Variants in ACBD6 observed in about 807,000 individuals in gnomAD.
ACBD6 encodes the protein acyl-CoA-binding domain-containing protein 6.
A neutral mutation model predicts 37.2 loss-of-function variants in ACBD6; 28 were observed. The observed-to-expected ratio is 0.75, with a 90% CI of 0.56 to 1.03. The LOEUF is 1.03. Among genes scored for constraint, ACBD6 ranks in the 50% least tolerant of loss-of-function variants. ACBD6 has a pLI of 0.00. For missense variants in ACBD6, 340 were observed against 337.4 expected, an observed-to-expected ratio of 1.01 and a Z score of -0.06; for synonymous variants, 113 against 126.8, an observed-to-expected ratio of 0.89 and a Z score of 0.73.
At chr1:180,374,564 A>G (rs1031072704) in intron 6 of ACBD6, among the ~76,000 whole-genome samples, 1 of 130,406 alleles carries the variant, frequency 7.7e-6, no homozygotes, top group Non-Finnish European at 1.7e-5. Context: ...TTTTTGGTAA[A>G]GAGCTTCTGT....
At chr1:180,314,861 A>T (rs530570475) in intron 6 of ACBD6, 139 bp from the exon 7 acceptor site, 13 of 651,500 alleles carry the variant, frequency 2.0e-5, no homozygotes, top group East Asian at 2.0e-4. Context: ...CAGTTAACTG[A>T]GCTTCACCGT....
chr1:180,415,109 A>G (rs1648026446), intron 4 of ACBD6, among the ~76,000 whole-genome samples: 2 of 151,776 alleles, frequency 1.3e-5, no homozygotes, highest in Non-Finnish European at 2.9e-5. Flanking sequence ...CAAAAACAAA[A>G]AACAAACAAA....
chr1:180,465,851 T>C (rs1212771849), intron 3 of ACBD6, among the ~76,000 whole-genome samples: 1 of 152,098 alleles, frequency 6.6e-6, no homozygotes, highest in Non-Finnish European at 1.5e-5. Flanking sequence ...TGAGATGCCT[T>C]TTATAGGAAC....
intron 5 of ACBD6, among the ~76,000 whole-genome samples, chr1:180,408,446 A>G (rs1647717638): frequency 1.3e-5 from 2 of 152,010 alleles, no homozygotes. Flanking sequence ...GCATGTTCTC[A>G]CTCATAGGTG....
intron 7 of ACBD6, among the ~76,000 whole-genome samples, chr1:180,296,899 G>A (rs1041479675): frequency 2.0e-5 from 3 of 151,950 alleles, no homozygotes; most frequent in Non-Finnish European, 4.4e-5. Context: ...GGCCAAGGTG[G>A]GCAGATCACA....
chr1:180,462,734 A>C (rs193206165), intron 3 of ACBD6, among the ~76,000 whole-genome samples: 1 of 152,214 alleles, frequency 6.6e-6, no homozygotes, highest in Non-Finnish European at 1.5e-5. Context: ...AATGGACCTG[A>C]TAAGTATCTA....
intron 5 of ACBD6, among the ~76,000 whole-genome samples, chr1:180,406,071 C>G (rs1647612225): frequency 6.6e-6 from 1 of 152,082 alleles, no homozygotes; most frequent in African/African-American, 2.4e-5. Context: ...CCTAAAACAT[C>G]TAAGCATAAC....
At chr1:180,386,493 A>C (rs1341356473) in intron 6 of ACBD6, among the ~76,000 whole-genome samples, 1 of 152,096 alleles carries the variant, frequency 6.6e-6, no homozygotes, top group Non-Finnish European at 1.5e-5. Context: ...TTCAGCCAGT[A>C]ACTCTTCGAA....
chr1:180,326,188 A>G (rs1346940653), intron 6 of ACBD6, among the ~76,000 whole-genome samples: 3 of 152,226 alleles, frequency 2.0e-5, no homozygotes, highest in Non-Finnish European at 2.9e-5. Flanking sequence ...AACCTTAGAA[A>G]TCTACCTGGT....
chr1:180,318,175 C>CA (rs1553291889), intron 6 of ACBD6, among the ~76,000 whole-genome samples: 9,677 of 102,586 alleles, frequency 0.094, 946 homozygotes, highest in African/African-American at 0.17. Flanking sequence ...CCCCCCCCCC[C>CA]AAAAAAAAAA....
intron 3 of ACBD6, among the ~76,000 whole-genome samples, chr1:180,449,825 TG>T (rs1433116147): frequency 1.3e-5 from 2 of 150,670 alleles, no homozygotes; most frequent in African/African-American, 4.9e-5. Context: ...GACAAGTTAA[TG>T]GGTACAGCAA....
At chr1:180,285,716 G>A (rs1022946741), downstream of ACBD6, among the ~76,000 whole-genome samples, 1 of 152,012 alleles carries the variant, frequency 6.6e-6, no homozygotes, top group Non-Finnish European at 1.5e-5. Context: ...ATAACCCATA[G>A]CCAAGTAGTT....
At chr1:180,499,521 A>C (rs1304855933) in intron 1 of ACBD6, among the ~76,000 whole-genome samples, 1 of 152,250 alleles carries the variant, frequency 6.6e-6, no homozygotes, top group Non-Finnish European at 1.5e-5. Flanking sequence ...AGGTGACTAC[A>C]GTTCACTGAT....
intron 3 of ACBD6, among the ~76,000 whole-genome samples, chr1:180,450,087 T>C (rs370023388): frequency 4.4e-4 from 66 of 151,514 alleles, no homozygotes; most frequent in Middle Eastern, 3.4e-3. Context: ...ACATAAAGTA[T>C]TGAACTTAGT....
At chr1:180,481,405 G>GAAA (rs1351587811) in intron 3 of ACBD6, among the ~76,000 whole-genome samples, 4 of 152,078 alleles carry the variant, frequency 2.6e-5, no homozygotes, top group Non-Finnish European at 5.9e-5. Context: ...AACACAGGCT[G>GAAA]AAACTTGGGG....
chr1:180,310,802 T>C (rs1234230812), intron 7 of ACBD6, among the ~76,000 whole-genome samples: 2 of 152,244 alleles, frequency 1.3e-5, no homozygotes, highest in Non-Finnish European at 2.9e-5. Flanking sequence ...GAATTCTTGT[T>C]GTTCTACAGC....
chr1:180,287,057 T>A (rs1267151191), downstream of ACBD6: 1 of 152,170 alleles, frequency 6.6e-6, no homozygotes, highest in East Asian at 1.9e-4. Flanking sequence ...AGTCAGTGAA[T>A]TCCCCAGATG....
chr1:180,410,664 A>G (rs61811601), intron 5 of ACBD6, among the ~76,000 whole-genome samples: 3 of 119,214 alleles, frequency 2.5e-5, no homozygotes, highest in African/African-American at 1.2e-4. Flanking sequence ...ACTGCTCAGG[A>G]AAAAAAAAAA....
chr1:180,436,469 C>T (rs1649042107), intron 3 of ACBD6, among the ~76,000 whole-genome samples: 1 of 152,068 alleles, frequency 6.6e-6, no homozygotes, highest in African/African-American at 2.4e-5. Flanking sequence ...TTCTTTTGTG[C>T]CATTTTGGGG....
Sources: allele counts gnomAD v4.1 joint callset (sites outside exome capture counted in the v4.1 genomes callset), GRCh38; gene constraint gnomAD v4.1.1; transcripts MANE v1.5; gene names NCBI Gene and HGNC (gene_info 2026-07-23, HGNC 2026-07-21).